PDLIM5: variants seen among roughly 807,000 people sequenced by gnomAD.
PDLIM5 encodes PDZ and LIM domain protein 5.
In PDLIM5, 34 loss-of-function variants were observed where a neutral mutation model predicts 64.2. The ratio of observed to expected loss-of-function variants is 0.53; its 90% CI spans 0.40 to 0.71. The LOEUF (loss-of-function observed/expected upper bound fraction) is 0.71. PDLIM5 is among the 30% of genes least tolerant of loss of function. PDLIM5 has a pLI of 0.00. For synonymous variants in PDLIM5, 253 were observed against 269.1 expected (o/e 0.94, Z 0.59); for missense variants, 683 against 733.6 (o/e 0.93, Z 0.80).
intron 2 of PDLIM5, among the ~76,000 whole-genome samples, chr4:94,494,851 C>T (rs1300173859): frequency 2.0e-5 from 3 of 151,972 alleles, no homozygotes; most frequent in South Asian, 2.1e-4. Flanking sequence ...CTGGTTCAAG[C>T]GATTCTCCTG....
At chr4:94,533,668 GA>G (rs1240351444) in intron 3 of PDLIM5, among the ~76,000 whole-genome samples, 13 of 152,196 alleles carry the variant, frequency 8.5e-5, no homozygotes, top group Admixed American at 7.2e-4. Context: ...CAGGTTGAAT[GA>G]AATAGCCTAT....
At chr4:94,513,656 T>G (rs185189848) in intron 2 of PDLIM5, among the ~76,000 whole-genome samples, 3 of 152,362 alleles carry the variant, frequency 2.0e-5, no homozygotes, top group Admixed American at 2.0e-4. Context: ...TAAGATCATA[T>G]CATCTGCAAA....
intron 7 of PDLIM5, among the ~76,000 whole-genome samples, chr4:94,604,168 G>T (rs964705400): frequency 1.3e-5 from 2 of 152,200 alleles, no homozygotes; most frequent in Non-Finnish European, 2.9e-5. Flanking sequence ...CTAAAAACAG[G>T]CAGGTAAATA....
chr4:94,597,783 G>T (rs2110342935), intron 7 of PDLIM5, among the ~76,000 whole-genome samples: 1 of 151,748 alleles, frequency 6.6e-6, no homozygotes, highest in South Asian at 2.1e-4. Flanking sequence ...TTCAAAAAAG[G>T]AAAAAAAAGT....
chr4:94,593,484 C>G (rs1028200958), intron 7 of PDLIM5, among the ~76,000 whole-genome samples: 1 of 152,046 alleles, frequency 6.6e-6, no homozygotes, highest in African/African-American at 2.4e-5. Context: ...CACTGTCTCA[C>G]TGTGTCTCCT....
At chr4:94,588,143 T>C (rs1736390526) in intron 7 of PDLIM5, 1 of 956,730 alleles carries the variant, frequency 1.0e-6, no homozygotes, top group Non-Finnish European at 1.2e-6. Context: ...GTACTTGTTC[T>C]GTTTCCTTGA....
At chr4:94,563,209 A>G (rs956068786) in intron 3 of PDLIM5, among the ~76,000 whole-genome samples, 3 of 152,166 alleles carry the variant, frequency 2.0e-5, no homozygotes, top group Admixed American at 6.5e-5. Context: ...ATCACTTTGA[A>G]TGCCTTGACT....
intron 2 of PDLIM5, among the ~76,000 whole-genome samples, chr4:94,484,607 A>G (rs1431196864): frequency 1.3e-5 from 2 of 152,342 alleles, no homozygotes; most frequent in African/African-American, 4.8e-5. Context: ...TAGGAGACTG[A>G]GGGAAGCCCA....
chr4:94,533,180 A>G (rs969134874), intron 3 of PDLIM5, among the ~76,000 whole-genome samples: 2 of 152,234 alleles, frequency 1.3e-5, no homozygotes, highest in African/African-American at 4.8e-5. Flanking sequence ...TTGAAGGCAC[A>G]ATTTAATTCT....
chr4:94,641,543 A>G (rs145467574), intron 9 of PDLIM5, among the ~76,000 whole-genome samples: 218 of 152,340 alleles, frequency 1.4e-3, no homozygotes, highest in African/African-American at 4.9e-3. Context: ...TTTAAAAAAC[A>G]TAGAAACACA....
chr4:94,627,964 C>A (rs1156666037), intron 8 of PDLIM5, among the ~76,000 whole-genome samples: 7 of 152,156 alleles, frequency 4.6e-5, no homozygotes, highest in Non-Finnish European at 8.8e-5. Context: ...ATTCTTACAT[C>A]TAAAACGTTG....
intron 2 of PDLIM5, among the ~76,000 whole-genome samples, chr4:94,497,456 A>G (rs2126127977): frequency 6.6e-6 from 1 of 152,288 alleles, no homozygotes; most frequent in East Asian, 1.9e-4. Flanking sequence ...AAGGACTTAC[A>G]CTCACTGAAC....
intron 5 of PDLIM5, among the ~76,000 whole-genome samples, chr4:94,580,908 T>C (rs1171323910): frequency 1.3e-5 from 2 of 152,170 alleles, no homozygotes; most frequent in Non-Finnish European, 2.9e-5. Flanking sequence ...TGTGAATCAA[T>C]TGATGTGCAT....
At chr4:94,658,949 G>A (rs994757384) in intron 11 of PDLIM5, among the ~76,000 whole-genome samples, 8 of 152,142 alleles carry the variant, frequency 5.3e-5, no homozygotes, top group African/African-American at 1.9e-4. Context: ...TAGCAGCTTT[G>A]GAAGACATTT....
At chr4:94,571,448 A>T (rs930945067) in intron 3 of PDLIM5, among the ~76,000 whole-genome samples, 2 of 152,220 alleles carry the variant, frequency 1.3e-5, no homozygotes, top group African/African-American at 4.8e-5. Flanking sequence ...ACTCCTGAAC[A>T]GTGGCTTCAC....
chr4:94,517,875 A>G (rs972790970), intron 2 of PDLIM5, among the ~76,000 whole-genome samples: 1 of 152,218 alleles, frequency 6.6e-6, no homozygotes, highest in African/African-American at 2.4e-5. Flanking sequence ...CTTTTGAATC[A>G]GCATAAATTG....
intron 2 of PDLIM5, among the ~76,000 whole-genome samples, chr4:94,503,321 A>G (rs970710288): frequency 3.9e-5 from 6 of 152,202 alleles, no homozygotes; most frequent in African/African-American, 1.4e-4. Context: ...CCGATTTGAA[A>G]TAACTTTTTG....
At chr4:94,661,081 C>T (rs1742672391) in intron 11 of PDLIM5, among the ~76,000 whole-genome samples, 1 of 151,936 alleles carries the variant, frequency 6.6e-6, no homozygotes, top group African/African-American at 2.4e-5. Flanking sequence ...GAGACTCTGT[C>T]TCAAAAAGAC....
chr4:94,522,995 A>G (rs189242332), intron 2 of PDLIM5, among the ~76,000 whole-genome samples: 2 of 152,348 alleles, frequency 1.3e-5, no homozygotes, highest in Non-Finnish European at 2.9e-5. Flanking sequence ...TTTTGGGGCA[A>G]TGAAATATAT....
Sources: gnomAD v4.1 joint callset for allele counts (sites outside exome capture counted in the v4.1 genomes callset) on GRCh38, gnomAD v4.1.1 for gene constraint, MANE v1.5 for transcripts, NCBI Gene and HGNC (gene_info 2026-07-23, HGNC 2026-07-21) for gene names.